The following THSD4 variants were observed in gnomAD, a reference collection of about 807,000 sequenced individuals.
The protein encoded by THSD4 is thrombospondin type 1 domain containing 4.
In THSD4, 69 loss-of-function variants were observed where a neutral mutation model predicts 119.0. The ratio of observed to expected loss-of-function variants is 0.58; its 90% CI spans 0.48 to 0.71. The LOEUF (loss-of-function observed/expected upper bound fraction) is 0.71. Ranked by LOEUF, THSD4 falls within the 30% of genes least tolerant of loss-of-function variation. The pLI is 0.00. For synonymous variants in THSD4, 524 were observed against 540.4 expected (o/e 0.97, Z 0.42); for missense variants, 1,393 against 1,391.1 (o/e 1.00, Z -0.02).
chr15:71,396,989 C>G (rs1001082559), intron 6 of THSD4, among the ~76,000 whole-genome samples: 2 of 152,208 alleles, frequency 1.3e-5, no homozygotes, highest in South Asian at 4.1e-4. Flanking sequence ...CTGCTGTTCC[C>G]TGTTCAGGTT....
rs569663849 is a variant in THSD4 at position 71,765,155 on chromosome 15, C to T, written c.2725C>T (p.Leu909Phe). The T allele has an allele frequency of 6.2e-7, 1 of 1,614,238 alleles. No homozygotes were observed. The highest frequency in any genetic ancestry group is 1.3e-5 in the African/African-American group (1 of 75,058). ...EKPPSQQSCHLKPCGAKWFST... is the reference protein window; with the variant it reads ...EKPPSQQSCHFKPCGAKWFST... Reference sequence around the variant, plus strand: ...ACCCCCCAGCCAGCAATCCTGCCACCTCAAGCCTTGCGGAGCCAAATGGTT... The same window carrying T: ...ACCCCCCAGCCAGCAATCCTGCCACTTCAAGCCTTGCGGAGCCAAATGGTT... The change falls in exon 16 of 18, where the codon CTC becomes TTC. Residue 909 changes from leucine to phenylalanine, a missense_variant. By Grantham distance (22) the Leu-to-Phe change is conservative. Transcript: ENST00000261862.
chr15:71,533,449 C>T (rs2048645595), intron 7 of THSD4, among the ~76,000 whole-genome samples: 1 of 152,154 alleles, frequency 6.6e-6, no homozygotes, highest in African/African-American at 2.4e-5. Context: ...CTAAATATTA[C>T]AACACCTTAG....
intron 6 of THSD4, among the ~76,000 whole-genome samples, chr15:71,281,034 G>C (rs1441005843): frequency 6.6e-6 from 1 of 152,210 alleles, no homozygotes; most frequent in East Asian, 1.9e-4. Flanking sequence ...TTAGCAAGTG[G>C]ATTCTATAGA....
At chr15:71,218,580 T>A (rs2043953014) in intron 4 of THSD4, among the ~76,000 whole-genome samples, 1 of 152,198 alleles carries the variant, frequency 6.6e-6, no homozygotes, top group Non-Finnish European at 1.5e-5. Context: ...ATTTGACAGT[T>A]ACTGATGAAA....
chr15:71,735,584 C>T (rs1046679901), intron 10 of THSD4, among the ~76,000 whole-genome samples: 1 of 150,600 alleles, frequency 6.6e-6, no homozygotes, highest in Non-Finnish European at 1.5e-5. Flanking sequence ...CTCTCTGTTT[C>T]TCTCTCTCTC....
chr15:71,607,503 C>A (rs905899244), intron 7 of THSD4, among the ~76,000 whole-genome samples: 8 of 152,204 alleles, frequency 5.3e-5, no homozygotes, highest in Non-Finnish European at 1.2e-4. Flanking sequence ...AAGTAGTTCC[C>A]TGTCATTCCG....
chr15:71,161,317 A>G (rs191499191), intron 3 of THSD4, among the ~76,000 whole-genome samples: 1 of 152,148 alleles, frequency 6.6e-6, no homozygotes. Context: ...TTGTCTGTCT[A>G]GGTGATCTGT....
At chr15:71,438,444 GA>G (rs2140549389) in intron 7 of THSD4, among the ~76,000 whole-genome samples, 1 of 152,286 alleles carries the variant, frequency 6.6e-6, no homozygotes, top group Non-Finnish European at 1.5e-5. Context: ...AAGTTATTAA[GA>G]AATCATCCTG....
At chr15:71,622,752 G>T (rs1295279831) in intron 7 of THSD4, among the ~76,000 whole-genome samples, 1 of 152,170 alleles carries the variant, frequency 6.6e-6, no homozygotes, top group Non-Finnish European at 1.5e-5. Flanking sequence ...TTTTAAGTCA[G>T]TTATGAAGCC....
At chr15:71,311,737 A>G (rs1327417865) in intron 6 of THSD4, among the ~76,000 whole-genome samples, 1 of 152,210 alleles carries the variant, frequency 6.6e-6, no homozygotes, top group Non-Finnish European at 1.5e-5. Flanking sequence ...CCATCTACCC[A>G]TTGCTCAAGC....
Position 71,737,960 on chromosome 15 carries a change from A to G in THSD4, c.1859A>G (p.Asn620Ser), listed in dbSNP as rs201126760. The change falls in exon 11 of 18, where the codon AAC becomes AGC. Residue 620 changes from asparagine to serine, a missense_variant. Transcript: ENST00000261862. ...CCCCCACGGCGCAGCCGGGATCACA[A>G]CTGGAAGCAGCTTGGGACAACAGAA... Reference protein sequence around the residue: ...PQPPRRSRDHNWKQLGTTECS... With the variant: ...PQPPRRSRDHSWKQLGTTECS... 123 of 1,613,844 alleles carry G rather than the reference A, an allele frequency of 7.6e-5. No individual in the cohort carries two copies. In the African/African-American group the frequency reaches 1.4e-3, roughly 18 times the overall value.
intron 7 of THSD4, among the ~76,000 whole-genome samples, chr15:71,432,057 A>G (rs904135525): frequency 6.6e-6 from 1 of 152,174 alleles, no homozygotes; most frequent in South Asian, 2.1e-4. Context: ...CATTACGATT[A>G]TGACTGGTAA....
chr15:71,109,785 G>T (rs188779459), intron 1 of THSD4, among the ~76,000 whole-genome samples: 3 of 152,038 alleles, frequency 2.0e-5, no homozygotes, highest in Admixed American at 2.0e-4. Flanking sequence ...GCACTGTCTG[G>T]TGAGCCGCTA....
At chr15:71,755,220 T>C (rs1179836206) in intron 14 of THSD4, among the ~76,000 whole-genome samples, 1 of 152,198 alleles carries the variant, frequency 6.6e-6, no homozygotes, top group Non-Finnish European at 1.5e-5. Context: ...CATGTTCTGA[T>C]CCCCTTCAAG....
chr15:71,491,177 C>CCCTT (rs1317237035), intron 7 of THSD4, among the ~76,000 whole-genome samples: 1 of 152,288 alleles, frequency 6.6e-6, no homozygotes, highest in East Asian at 1.9e-4. Context: ...TGAAAACATG[C>CCCTT]CCTTTTCCTC....
chr15:71,771,040 T>A, intron 16 of THSD4, 24 bp from the exon 17 acceptor site: 1 of 1,609,802 alleles, frequency 6.2e-7, no homozygotes, highest in South Asian at 1.1e-5. Context: ...AAAAATCTGA[T>A]GTTTTCCCTT....
At chr15:71,618,269 T>C (rs1456791332) in intron 7 of THSD4, among the ~76,000 whole-genome samples, 2 of 152,134 alleles carry the variant, frequency 1.3e-5, no homozygotes, top group East Asian at 3.9e-4. Flanking sequence ...TCTAGTAAAA[T>C]TGAAAATGCA....
intron 7 of THSD4, among the ~76,000 whole-genome samples, chr15:71,580,227 A>T (rs981249080): frequency 1.3e-5 from 2 of 152,088 alleles, no homozygotes; most frequent in Non-Finnish European, 2.9e-5. Flanking sequence ...ATATGGAGAG[A>T]TGTAGGCTTT....
intron 6 of THSD4, among the ~76,000 whole-genome samples, chr15:71,319,619 G>T (rs543419280): frequency 1.3e-5 from 2 of 152,144 alleles, no homozygotes; most frequent in Admixed American, 6.5e-5. Context: ...TGGTGTATAT[G>T]TGCCACATTT....
Sources: gnomAD v4.1 joint callset for allele counts (sites outside exome capture counted in the v4.1 genomes callset) on GRCh38, gnomAD v4.1.1 for gene constraint, MANE v1.5 for transcripts, NCBI Gene and HGNC (gene_info 2026-07-23, HGNC 2026-07-21) for gene names.